NLGN1: variants seen among roughly 807,000 people sequenced by gnomAD.
The protein encoded by NLGN1 is neuroligin 1, also known as neuroligin-1.
NLGN1 carries 12 observed loss-of-function variants against 65.5 expected under a neutral mutation model. That is an observed-to-expected ratio of 0.18 (90% CI 0.12 to 0.30). The LOEUF (loss-of-function observed/expected upper bound fraction) is 0.30. NLGN1 is among the 10% of genes least tolerant of loss of function. The pLI is 1.00. For missense variants in NLGN1, 750 were observed against 1,007.1 expected, an observed-to-expected ratio of 0.74 and a Z score of 3.46; for synonymous variants, 350 against 359.5, an observed-to-expected ratio of 0.97 and a Z score of 0.30.
intron 3 of NLGN1, among the ~76,000 whole-genome samples, chr3:173,684,286 A>T (rs185923497): frequency 3.9e-5 from 6 of 152,298 alleles, no homozygotes; most frequent in East Asian, 3.9e-4. Context: ...CTTCACTTCT[A>T]TATACCTTTC....
chr3:174,019,953 A>G (rs1203214620), intron 4 of NLGN1, among the ~76,000 whole-genome samples: 1 of 152,152 alleles, frequency 6.6e-6, no homozygotes, highest in Non-Finnish European at 1.5e-5. Flanking sequence ...AACAGTATTC[A>G]ATGACTTGCT....
chr3:174,010,433 A>G (rs1167073328), intron 4 of NLGN1, among the ~76,000 whole-genome samples: 1 of 152,204 alleles, frequency 6.6e-6, no homozygotes, highest in Non-Finnish European at 1.5e-5. Flanking sequence ...TTGATTTTCA[A>G]GATATACTAC....
At chr3:173,863,880 A>G (rs1435926705) in intron 4 of NLGN1, among the ~76,000 whole-genome samples, 1 of 152,180 alleles carries the variant, frequency 6.6e-6, no homozygotes, top group African/African-American at 2.4e-5. Context: ...TTGAGCTTTC[A>G]TATTGTATTA....
At chr3:173,677,201 G>A (rs982073629) in intron 3 of NLGN1, among the ~76,000 whole-genome samples, 3 of 151,896 alleles carry the variant, frequency 2.0e-5, no homozygotes, top group Non-Finnish European at 2.9e-5. Flanking sequence ...CTAGAAGGGT[G>A]ATCTGAAGAC....
chr3:173,487,332 TTTTGTTGCAGTGTGG>T (rs1431114339), intron 2 of NLGN1, among the ~76,000 whole-genome samples: 1 of 151,994 alleles, frequency 6.6e-6, no homozygotes, highest in African/African-American at 2.4e-5. Flanking sequence ...TTATTTCTAC[TTTTGTTGCAGTGTGG>T]TTTGTATGCT....
chr3:173,587,041 G>A (rs1747573471), intron 2 of NLGN1, among the ~76,000 whole-genome samples: 1 of 152,166 alleles, frequency 6.6e-6, no homozygotes, highest in African/African-American at 2.4e-5. Context: ...TATGGCTGTT[G>A]ATATAAAAAT....
At chr3:173,643,903 T>A (rs1268783685) in intron 3 of NLGN1, among the ~76,000 whole-genome samples, 2 of 152,144 alleles carry the variant, frequency 1.3e-5, no homozygotes. Context: ...TTTCTCTCTA[T>A]TTTAATTATA....
chr3:173,749,934 T>G (rs1243617833), intron 3 of NLGN1, among the ~76,000 whole-genome samples: 1 of 152,092 alleles, frequency 6.6e-6, no homozygotes, highest in African/African-American at 2.4e-5. Context: ...TGGATACTTT[T>G]CACTTATTCA....
chr3:174,268,380 A>G (rs1013677883), intron 4 of NLGN1, among the ~76,000 whole-genome samples: 2 of 152,158 alleles, frequency 1.3e-5, no homozygotes, highest in African/African-American at 2.4e-5. Flanking sequence ...CTTAAGATGC[A>G]GGCCCAGAAA....
At chr3:173,428,646 T>C (rs1236846250) in intron 1 of NLGN1, among the ~76,000 whole-genome samples, 2 of 152,084 alleles carry the variant, frequency 1.3e-5, no homozygotes, top group African/African-American at 4.8e-5. Flanking sequence ...GATAAATTTG[T>C]CTTTTAGTCC....
At chr3:173,939,370 T>C (rs1271326684) in intron 4 of NLGN1, among the ~76,000 whole-genome samples, 1 of 152,182 alleles carries the variant, frequency 6.6e-6, no homozygotes, top group Admixed American at 6.5e-5. Context: ...TGAAGTTCCA[T>C]GTCCTATTGC....
At chr3:173,706,967 A>G (rs1006286856) in intron 3 of NLGN1, among the ~76,000 whole-genome samples, 11 of 152,188 alleles carry the variant, frequency 7.2e-5, no homozygotes, top group Non-Finnish European at 1.2e-4. Context: ...TCTCCCTACC[A>G]AGTCACAGCC....
At chr3:174,247,121 AC>A (rs1743935771) in intron 4 of NLGN1, among the ~76,000 whole-genome samples, 1 of 152,188 alleles carries the variant, frequency 6.6e-6, no homozygotes, top group Non-Finnish European at 1.5e-5. Context: ...CTTAGGAAAG[AC>A]TGTGCATGCC....
chr3:174,196,267 A>G (rs1430851823), intron 4 of NLGN1, among the ~76,000 whole-genome samples: 1 of 152,148 alleles, frequency 6.6e-6, no homozygotes, highest in East Asian at 1.9e-4. Flanking sequence ...ACATAAATTT[A>G]TAGTTATTGA....
At chr3:173,502,453 A>G (rs1026399437) in intron 2 of NLGN1, among the ~76,000 whole-genome samples, 13 of 152,146 alleles carry the variant, frequency 8.5e-5, no homozygotes, top group Admixed American at 3.9e-4. Context: ...AAATGCTTCC[A>G]GAGAATATGA....
At chr3:173,858,560 T>A (rs1728467649) in intron 4 of NLGN1, among the ~76,000 whole-genome samples, 1 of 152,200 alleles carries the variant, frequency 6.6e-6, no homozygotes, top group South Asian at 2.1e-4. Context: ...TCCTCACAGT[T>A]GTTGATTAAA....
chr3:173,801,413 T>C lies in NLGN1; in HGVS notation c.494-6267T>C, dbSNP rs999358580. ...TAGAAATTAAATCTCATAACGAAAA[T>C]AATAATGTGGTTAGAAAAGTTTTCC... On this transcript the variant is annotated intron_variant, in intron 3 of 6. Coordinates refer to ENST00000457714, the Ensembl canonical transcript of NLGN1. Among the ~76,000 whole-genome samples, 9 of 152,102 alleles carry C rather than the reference T, an allele frequency of 5.9e-5. 1 individual carries two copies. The East Asian group carries it at 1.5e-3, about 26-fold the overall frequency.
intron 2 of NLGN1, among the ~76,000 whole-genome samples, chr3:173,449,638 G>C (rs1360771074): frequency 3.9e-5 from 6 of 152,140 alleles, no homozygotes; most frequent in African/African-American, 1.4e-4. Context: ...CTGTCTCGTT[G>C]ATCTGTCTAA....
intron 2 of NLGN1, among the ~76,000 whole-genome samples, chr3:173,491,103 T>C (rs1265806039): frequency 6.6e-6 from 1 of 151,838 alleles, no homozygotes; most frequent in Non-Finnish European, 1.5e-5. Context: ...TCCTGCCTGA[T>C]TGCCGTGGCC....
Sources: allele counts gnomAD v4.1 joint callset (sites outside exome capture counted in the v4.1 genomes callset), GRCh38; gene constraint gnomAD v4.1.1; transcripts MANE v1.5; gene names NCBI Gene and HGNC (gene_info 2026-07-23, HGNC 2026-07-21).